Variants in KAT14 observed in about 807,000 individuals in gnomAD.
KAT14 encodes lysine acetyltransferase 14, also known as cysteine-rich protein 2-binding protein.
In KAT14, 66 loss-of-function variants were observed where a neutral mutation model predicts 78.4. The ratio of observed to expected loss-of-function variants is 0.84; its 90% CI spans 0.69 to 1.03. The LOEUF is 1.03. KAT14 is among the 50% of genes least tolerant of loss of function. The pLI is 0.00. For synonymous variants in KAT14, 344 were observed against 359.4 expected, an observed-to-expected ratio of 0.96 and a Z score of 0.48; for missense variants, 870 against 972.5, an observed-to-expected ratio of 0.89 and a Z score of 1.40.
rs1050327047 is a variant in KAT14 at position 18,187,676 on chromosome 20, G to A, written c.*217G>A. The A allele has an allele frequency of 1.7e-6, 1 of 585,754 alleles. No homozygotes were observed. The highest frequency in any genetic ancestry group is 2.8e-6 in the Non-Finnish European group (1 of 353,524). 36.3% of individuals were successfully genotyped at this position (585,754 alleles called of 1,614,324 possible). A position where few individuals can be genotyped will look rare whatever the true frequency, so the allele number is the denominator to read the frequency against. On this transcript the variant is annotated 3_prime_UTR_variant, in exon 11 of 11. Coordinates refer to ENST00000688188, the MANE Select transcript of KAT14 (RefSeq NM_001392073.1). ...CCAGTCCTTCCTGGAGATGCCTTCA[G>A]CCAGCATCCCAGACTCCACAGTTAT...
rs1332960643 is a variant in KAT14, at chr20:18,181,791, G to A, written c.1750G>A (p.Val584Met). ...CTTGGTAGGATCAGAAGATATGGCTGTGGACCAGAGTATTGTCAGCCCTTA... is the reference window on the plus strand; with the variant it reads ...CTTGGTAGGATCAGAAGATATGGCTATGGACCAGAGTATTGTCAGCCCTTA... ...YRLVGSEDMA[V>M]DQSIVSPYTS... The change falls in exon 8 of 11, where the codon GTG becomes ATG. Residue 584 changes from valine to methionine, a missense_variant. By Grantham distance (21) the Val-to-Met change is conservative (BLOSUM62 1). Transcript: ENST00000688188. The A allele has an allele frequency of 3.1e-6, 5 of 1,614,218 alleles. No individual in the cohort carries two copies. The highest frequency in any genetic ancestry group is 4.2e-6 in the Non-Finnish European group (5 of 1,180,054).
rs748338891 is a variant in KAT14, at chr20:18,161,908, A to G, written c.768A>G (p.Glu256=). ...GGAATCCTGTGGAATCTGCCATGGA[A>G]TTAAAAGAGAAAAGGTCTCGAACTC... is the stretch of plus-strand genomic sequence containing the variant. The part of the protein sequence containing the change: ...ASRNPVESAM[E]LKEKRSRTQE... The change falls in exon 6 of 11, where the codon GAA becomes GAG. Residue 256 remains glutamate (E), a synonymous_variant. Coordinates refer to ENST00000688188, the MANE Select transcript of KAT14 (RefSeq NM_001392073.1). 4.3e-6 allele frequency: 7 copies of G among 1,614,112 alleles called. No individual in the cohort carries two copies. The Admixed American group carries it at 1.2e-4, about 27-fold the overall frequency.
chr20:18,137,310 A>G (rs2146307127), upstream of KAT14, among the ~76,000 whole-genome samples: 1 of 151,990 alleles, frequency 6.6e-6, no homozygotes, highest in East Asian at 1.9e-4. Flanking sequence ...AATAATAATA[A>G]TAATAATCCG....
rs2038496612 is a variant in KAT14, at chr20:18,162,826, G to C, written c.1549G>C (p.Ala517Pro). 6.2e-7 allele frequency: 1 copy of C among 1,614,088 alleles called. No homozygotes were observed. Among genetic ancestry groups the C allele is most frequent in the Non-Finnish European group, 8.5e-7 (1 of 1,180,042 alleles). ...LFDLDQVVNAALLLVDGIYGA... is the reference protein window; with the variant it reads ...LFDLDQVVNAPLLLVDGIYGA... ...TGACTTGGATCAAGTTGTTAATGCTGCTCTTTTGTTAGTTGACGGGATTTA... is the reference window on the plus strand; with the variant it reads ...TGACTTGGATCAAGTTGTTAATGCTCCTCTTTTGTTAGTTGACGGGATTTA... The change falls in exon 7 of 11, where the codon GCT becomes CCT. Residue 517 changes from alanine (A) to proline (P), a missense_variant. Transcript: ENST00000688188.
chr20:18,184,723 A>G lies in KAT14; in HGVS notation c.2103A>G (p.Ser701=), dbSNP rs2039396938. The change falls in exon 10 of 11, where the codon TCA becomes TCG. Residue 701 remains serine (S), a synonymous_variant. Coordinates refer to ENST00000688188, the MANE Select transcript of KAT14 (RefSeq NM_001392073.1). ...TGAAATACAATGAAGCTTACATTTCATTTCTGTTCGTCCACCCTGAATGGA... is the reference window on the plus strand; with the variant it reads ...TGAAATACAATGAAGCTTACATTTCGTTTCTGTTCGTCCACCCTGAATGGA... ...PDVKYNEAYI[S]FLFVHPEWRR... The G allele has an allele frequency of 6.2e-7, 1 of 1,613,310 alleles. No individual in the cohort carries two copies. The highest frequency in any genetic ancestry group is 8.5e-7 in the Non-Finnish European group (1 of 1,179,806).
chr20:18,173,765 T>C (rs950513104), intron 7 of KAT14, among the ~76,000 whole-genome samples: 3 of 152,202 alleles, frequency 2.0e-5, no homozygotes, highest in Non-Finnish European at 4.4e-5. Context: ...TAATTACTCA[T>C]TCCTGCTTCC....
At chr20:18,150,705 C>A in intron 3 of KAT14, 116 bp from the exon 4 acceptor site, 1 of 1,487,790 alleles carries the variant, frequency 6.7e-7, no homozygotes, top group Middle Eastern at 2.5e-4. Flanking sequence ...GTCCTTTGTT[C>A]GCTCTGTTCC....
chr20:18,151,143 G>C (rs1013203043), intron 4 of KAT14, among the ~76,000 whole-genome samples: 2 of 152,034 alleles, frequency 1.3e-5, no homozygotes, highest in African/African-American at 2.4e-5. Flanking sequence ...TCCTGCATCA[G>C]CCTCCTGAGT....
chr20:18,174,961 G>A (rs1000286344), intron 7 of KAT14, among the ~76,000 whole-genome samples: 10 of 152,012 alleles, frequency 6.6e-5, no homozygotes, highest in South Asian at 2.1e-4. Flanking sequence ...CACCGCGCCC[G>A]GCGATTTTCT....
chr20:18,145,295 G>T lies in KAT14; in HGVS notation c.322G>T (p.Asp108Tyr). ...TAATTTTTTTAGGTTTACTTGTTCG[G>T]ATTGCTCAGCAGATGGCAAGGAGCA... is the stretch of plus-strand genomic sequence containing the variant. ...GDNFFRFTCSDCSADGKEQYE... is the reference protein window; with the variant it reads ...GDNFFRFTCSYCSADGKEQYE... The change falls in exon 3 of 11, where the codon GAT becomes TAT. Residue 108 changes from aspartate to tyrosine, a missense_variant. Transcript: ENST00000688188. The T allele has an allele frequency of 1.2e-6, 2 of 1,614,162 alleles. No homozygotes were observed. The highest frequency in any genetic ancestry group is 2.2e-5 in the South Asian group (2 of 91,086).
chr20:18,187,257 T>G (rs778204828), intron 10 of KAT14, 29 bp from the exon 11 acceptor site: 3 of 1,570,334 alleles, frequency 1.9e-6, no homozygotes, highest in Non-Finnish European at 1.7e-6. Context: ...TTTCCATTTT[T>G]ATCTTGTATT....
chr20:18,150,810 T>C lies in KAT14; in HGVS notation c.379-11T>C, dbSNP rs2038005717. On this transcript the variant is annotated splice_polypyrimidine_tract_variant and intron_variant, in intron 3 of 10. Transcript: ENST00000688188. ...GCTGTTCTCCCACCTCTTGTTTCAA[T>C]TGTGTTTCAGGTCGTCATGTTGGCA... 6.8e-6 allele frequency: 11 copies of C among 1,613,868 alleles called. No individual in the cohort carries two copies. Among genetic ancestry groups the C allele is most frequent in the South Asian group, 5.5e-5 (5 of 91,068 alleles).
chr20:18,174,252 A>G (rs904208143), intron 7 of KAT14, among the ~76,000 whole-genome samples: 2 of 152,254 alleles, frequency 1.3e-5, no homozygotes, highest in African/African-American at 2.4e-5. Context: ...CCTTTTGACT[A>G]TGAACATAAA....
intron 1 of KAT14, among the ~76,000 whole-genome samples, chr20:18,139,632 A>AGGTGTGTGTGTGTGTG (rs1203664163): frequency 7.0e-5 from 7 of 99,862 alleles, no homozygotes; most frequent in Non-Finnish European, 1.3e-4. Flanking sequence ...AACCAAAATA[A>AGGTGTGTGTGTGTGTG]CGTGTGTGTG....
intron 9 of KAT14, 43 bp downstream of exon 9, chr20:18,183,341 A>G (rs2146536800): frequency 6.5e-7 from 1 of 1,528,576 alleles, no homozygotes; most frequent in Non-Finnish European, 8.8e-7. Context: ...TTTTCTGTAC[A>G]GTCCATTCTA....
At position 18,156,980 on chromosome 20, in the gene KAT14, T is replaced by G. The variant is rs139375623; in HGVS notation, c.501-2104T>G. 2.7e-4 allele frequency among the ~76,000 whole-genome samples: 41 copies of G among 152,374 alleles called. No individual in the cohort carries two copies. In the East Asian group the frequency reaches 7.7e-3, roughly 29 times the overall value. On this transcript the variant is annotated intron_variant, in intron 4 of 10. Transcript: ENST00000688188. ...TATGTTATTTCCAGTTTTTCTGTGT[T>G]TAAGTTAGCCTTGTGGGGCATATTC... is the stretch of plus-strand genomic sequence containing the variant.
chr20:18,150,738 A>G, intron 3 of KAT14, 83 bp from the exon 4 acceptor site: 2 of 1,587,678 alleles, frequency 1.3e-6, no homozygotes, highest in East Asian at 2.2e-5. Context: ...CTCAGAATAT[A>G]AAACAGAAGA....
rs144024172 is a variant in KAT14 at position 18,176,601 on chromosome 20, G to A, written c.1669-5109G>A. Reference sequence around the variant, plus strand: ...GTCCACAAGGAGGAGCCAGGGTGATGAAGGGTCAGTGTGGAAGGCCCAGGC... The same window carrying A: ...GTCCACAAGGAGGAGCCAGGGTGATAAAGGGTCAGTGTGGAAGGCCCAGGC... On this transcript the variant is annotated intron_variant, in intron 7 of 10. Coordinates refer to ENST00000688188, the MANE Select transcript of KAT14 (RefSeq NM_001392073.1). 2.4e-3 allele frequency among the ~76,000 whole-genome samples: 361 copies of A among 151,692 alleles called. 3 individuals carry two copies. Among genetic ancestry groups the A allele is most frequent in the Middle Eastern group, 0.017 (5 of 290 alleles).
chr20:18,181,153 T>A (rs59306433), intron 7 of KAT14, among the ~76,000 whole-genome samples: 4 of 152,146 alleles, frequency 2.6e-5, no homozygotes, highest in East Asian at 1.9e-4. Flanking sequence ...TTAAAAAAAA[T>A]TTTTAAATGA....
Sources: gnomAD v4.1 joint callset for allele counts (sites outside exome capture counted in the v4.1 genomes callset) on GRCh38, gnomAD v4.1.1 for gene constraint, MANE v1.5 for transcripts, NCBI Gene and HGNC (gene_info 2026-07-23, HGNC 2026-07-21) for gene names.